AGAP1: variants seen among roughly 807,000 people sequenced by gnomAD.
AGAP1 encodes the protein ArfGAP with GTPase domain, ankyrin repeat and PH domain 1.
A neutral mutation model predicts 105.3 loss-of-function variants in AGAP1; 29 were observed. The ratio of observed to expected loss-of-function variants is 0.28; its 90% CI spans 0.21 to 0.38. AGAP1 has a LOEUF of 0.38. AGAP1 is among the 10% of genes least tolerant of loss of function. The pLI is 1.00. For missense variants in AGAP1, 998 were observed against 1,165.1 expected, an observed-to-expected ratio of 0.86 and a Z score of 2.09; for synonymous variants, 509 against 485.9, an observed-to-expected ratio of 1.05 and a Z score of -0.63.
In AGAP1 at chr2:235,569,944, A is replaced by G. The variant is rs957032807; in HGVS notation, c.163+75095A>G. ...AATTGAACACGAAAACCAGAGTTGTATATCTAAGGAAAACATGGTGTGACT... is the reference window on the plus strand; with the variant it reads ...AATTGAACACGAAAACCAGAGTTGTGTATCTAAGGAAAACATGGTGTGACT... On this transcript the variant is annotated intron_variant, in intron 1 of 17. Transcript: ENST00000304032. This position sits in a 1 kb window ranked among gnomAD's most constrained non-coding sequence, Gnocchi z 5.9. 3.9e-5 allele frequency among the ~76,000 whole-genome samples: 6 copies of G among 152,210 alleles called. No individual in the cohort carries two copies. The highest frequency in any genetic ancestry group is 8.8e-5 in the Non-Finnish European group (6 of 68,046).
Position 235,752,185 on chromosome 2 carries a change from T to C in AGAP1, c.673+1697T>C, listed in dbSNP as rs567320682. On this transcript the variant is annotated intron_variant, in intron 6 of 17. Coordinates refer to ENST00000304032, the MANE Select transcript of AGAP1 (RefSeq NM_001037131.3). This position sits in a 1 kb window ranked among gnomAD's most constrained non-coding sequence, Gnocchi z 4.3. Reference sequence around the variant, plus strand: ...GCCTGTTTTCATAAATAGACTTTTCTTCTTTTTTTTGGAGACAGAGTCTAG... The same window carrying C: ...GCCTGTTTTCATAAATAGACTTTTCCTCTTTTTTTTGGAGACAGAGTCTAG... 1.3e-5 allele frequency among the ~76,000 whole-genome samples: 2 copies of C among 152,304 alleles called. No individual in the cohort carries two copies. The highest frequency in any genetic ancestry group is 1.9e-4 in the East Asian group (1 of 5,174).
In AGAP1 at chr2:235,611,424, T is replaced by C. The variant is rs912569113; in HGVS notation, c.164-97755T>C. Reference sequence around the variant, plus strand: ...TTCATATTTTCATAATGAATAGTTATTGTGAAGGAGCTGATTTTTGGAGGA... The same window carrying C: ...TTCATATTTTCATAATGAATAGTTACTGTGAAGGAGCTGATTTTTGGAGGA... On this transcript the variant is annotated intron_variant, in intron 1 of 17. Coordinates refer to ENST00000304032, the MANE Select transcript of AGAP1 (RefSeq NM_001037131.3). The surrounding 1 kb of genome is among the most constrained non-coding windows in gnomAD (Gnocchi z 5.0). 4.6e-5 allele frequency among the ~76,000 whole-genome samples: 7 copies of C among 152,250 alleles called. No homozygotes were observed. Among genetic ancestry groups the C allele is most frequent in the African/African-American group, 1.7e-4 (7 of 41,462 alleles).
chr2:236,011,295 G>A (rs936043124), intron 13 of AGAP1, among the ~76,000 whole-genome samples: 1 of 152,212 alleles, frequency 6.6e-6, no homozygotes, highest in African/African-American at 2.4e-5. Context: ...CCAGATTAGA[G>A]CTCAGAAAGT....
At position 236,056,100 on chromosome 2, in the gene AGAP1, A is replaced by G. The variant is rs756391306; in HGVS notation, c.2114+6819A>G. Among the ~76,000 whole-genome samples the G allele has an allele frequency of 6.6e-6, 1 of 152,214 alleles. No homozygotes were observed. The highest frequency in any genetic ancestry group is 1.5e-5 in the Non-Finnish European group (1 of 68,050). On this transcript the variant is annotated intron_variant, in intron 16 of 17. Transcript: ENST00000304032. The surrounding 1 kb of genome is among the most constrained non-coding windows in gnomAD (Gnocchi z 4.6). ...TGGTGGGAATCCAGGCAAGCTCTCC[A>G]TAAAGACTGGCTCTAATTATAAGAA...
intron 1 of AGAP1, among the ~76,000 whole-genome samples, chr2:235,666,866 A>G (rs547793892): frequency 6.6e-6 from 1 of 152,210 alleles, no homozygotes; most frequent in East Asian, 1.9e-4. Context: ...ATTAAAGTTC[A>G]TCTCAGTATG....
chr2:235,536,861 T>C lies in AGAP1; in HGVS notation c.163+42012T>C, dbSNP rs571222321. Among the ~76,000 whole-genome samples, 5 of 152,292 alleles carry C rather than the reference T, an allele frequency of 3.3e-5. No individual in the cohort carries two copies. In the South Asian group the frequency reaches 1.0e-3, roughly 32 times the overall value. On this transcript the variant is annotated intron_variant, in intron 1 of 17. Transcript: ENST00000304032. ...GACAGTGTGTGTCACCTTTTCTTAG[T>C]TTCCAGGGACTGCGGCTTCCTTCCA...
At chr2:235,846,732 G>A (rs964682117) in intron 9 of AGAP1, among the ~76,000 whole-genome samples, 1 of 152,150 alleles carries the variant, frequency 6.6e-6, no homozygotes, top group Admixed American at 6.5e-5. Flanking sequence ...TAACTCCTGG[G>A]CTCAAGTGAT....
In AGAP1 at chr2:235,599,762, T is replaced by A. The variant is rs1945667423; in HGVS notation, c.163+104913T>A. ...CTGATCGCTGGCTCTCTAGGGCTTT[T>A]CCCCTCCAGGTTCAGAGAGAGCGCC... On this transcript the variant is annotated intron_variant, in intron 1 of 17. Transcript: ENST00000304032. The surrounding 1 kb of genome is among the most constrained non-coding windows in gnomAD (Gnocchi z 5.3). Among the ~76,000 whole-genome samples, 1 of 152,022 alleles carries A rather than the reference T, an allele frequency of 6.6e-6. No homozygotes were observed. The highest frequency in any genetic ancestry group is 6.5e-5 in the Admixed American group (1 of 15,268).
At chr2:235,591,134 G>A (rs534257729) in intron 1 of AGAP1, among the ~76,000 whole-genome samples, 4 of 152,234 alleles carry the variant, frequency 2.6e-5, no homozygotes, top group South Asian at 4.1e-4. Flanking sequence ...TCGTGCCTCA[G>A]CCTCCCGAGT....
chr2:236,093,628 A>G (rs2059119184), intron 16 of AGAP1, among the ~76,000 whole-genome samples: 1 of 152,218 alleles, frequency 6.6e-6, no homozygotes, highest in Non-Finnish European at 1.5e-5. Flanking sequence ...AAGGCAACAT[A>G]TATCCTGGAT....
At chr2:235,828,208 A>G (rs1959168172) in intron 9 of AGAP1, among the ~76,000 whole-genome samples, 1 of 152,194 alleles carries the variant, frequency 6.6e-6, no homozygotes, top group Non-Finnish European at 1.5e-5. Context: ...TTTTGAACTC[A>G]GTGAAATGAG....
At chr2:236,091,485 C>A (rs1294139492) in intron 16 of AGAP1, among the ~76,000 whole-genome samples, 2 of 152,128 alleles carry the variant, frequency 1.3e-5, no homozygotes, top group Non-Finnish European at 2.9e-5. Context: ...GAAAGAAAAA[C>A]CTAGGCCGGG....
chr2:236,026,447 C>T (rs1186210515), intron 13 of AGAP1, among the ~76,000 whole-genome samples: 1 of 152,156 alleles, frequency 6.6e-6, no homozygotes, highest in African/African-American at 2.4e-5. Context: ...AAGTATGACA[C>T]GCCGGGCACG....
At chr2:236,052,607 T>C (rs560136473) in intron 16 of AGAP1, among the ~76,000 whole-genome samples, 143 of 152,230 alleles carry the variant, frequency 9.4e-4, no homozygotes, top group Non-Finnish European at 1.6e-3. Flanking sequence ...AGTATTGACT[T>C]CCCATTCCTA....
rs1947332210 is a variant in AGAP1, at chr2:235,645,165, G to A, written c.164-64014G>A. 2.0e-5 allele frequency among the ~76,000 whole-genome samples: 3 copies of A among 152,132 alleles called. No homozygotes were observed. In the South Asian group the frequency reaches 6.2e-4, roughly 32 times the overall value. On this transcript the variant is annotated intron_variant, in intron 1 of 17. Coordinates refer to ENST00000304032, the MANE Select transcript of AGAP1 (RefSeq NM_001037131.3). ...CCCACCTCAGCCTCCCAAAGTGCTGGGATTATAGGCGTGAGCCACTGCACC... is the reference window on the plus strand; with the variant it reads ...CCCACCTCAGCCTCCCAAAGTGCTGAGATTATAGGCGTGAGCCACTGCACC...
chr2:235,951,234 C>T lies in AGAP1; in HGVS notation c.1484-17228C>T, dbSNP rs1038263792. Among the ~76,000 whole-genome samples, 3 of 152,098 alleles carry T rather than the reference C, an allele frequency of 2.0e-5. No homozygotes were observed. The highest frequency in any genetic ancestry group is 4.8e-5 in the African/African-American group (2 of 41,416). On this transcript the variant is annotated intron_variant, in intron 12 of 17. Transcript: ENST00000304032. The surrounding 1 kb of genome is among the most constrained non-coding windows in gnomAD (Gnocchi z 4.2). ...CACTTCCGACTTTGATCTGCAGTTG[C>T]GGATGAAGATGCTCACGAGTGGAGG...
At chr2:236,084,495 T>G (rs909368158) in intron 16 of AGAP1, among the ~76,000 whole-genome samples, 1 of 152,192 alleles carries the variant, frequency 6.6e-6, no homozygotes, top group African/African-American at 2.4e-5. Flanking sequence ...AAATGCAGGA[T>G]GCAAACAAAA....
In AGAP1 at chr2:236,001,392, G is replaced by A. The variant is rs1460662384; in HGVS notation, c.1645+32769G>A. Among the ~76,000 whole-genome samples, 1 of 152,198 alleles carries A rather than the reference G, an allele frequency of 6.6e-6. No homozygotes were observed. The highest frequency in any genetic ancestry group is 1.5e-5 in the Non-Finnish European group (1 of 68,044). On this transcript the variant is annotated intron_variant, in intron 13 of 17. Transcript: ENST00000304032. This position sits in a 1 kb window ranked among gnomAD's most constrained non-coding sequence, Gnocchi z 4.7. ...CCCCCACCCAGTCTCTGTGTCCTCTGCACAGTAGGGAGCTGGGGAAGGTGT... is the reference window on the plus strand; with the variant it reads ...CCCCCACCCAGTCTCTGTGTCCTCTACACAGTAGGGAGCTGGGGAAGGTGT...
chr2:236,015,350 A>G (rs2056659466), intron 13 of AGAP1, among the ~76,000 whole-genome samples: 1 of 150,610 alleles, frequency 6.6e-6, no homozygotes, highest in East Asian at 1.9e-4. Context: ...GCTCTAATCC[A>G]CAGGCAGGCA....
Sources: gnomAD v4.1 joint callset for allele counts (sites outside exome capture counted in the v4.1 genomes callset) on GRCh38, gnomAD v4.1.1 for gene constraint, Gnocchi (gnomAD v3.1) non-coding constraint, MANE v1.5 for transcripts, NCBI Gene and HGNC (gene_info 2026-07-23, HGNC 2026-07-21) for gene names.